The following CUX2 variants were observed in gnomAD, a reference collection of about 807,000 sequenced individuals.
CUX2 encodes the protein homeobox protein cut-like 2.
CUX2 carries 40 observed loss-of-function variants against 144.8 expected under a neutral mutation model. The ratio of observed to expected loss-of-function variants is 0.28; its 90% confidence interval spans 0.21 to 0.36. The LOEUF is 0.36. CUX2 is among the 10% of genes least tolerant of loss of function. The pLI is 1.00. For missense variants in CUX2, 1,615 were observed against 1,994.0 expected (o/e 0.81, Z 3.62); for synonymous variants, 827 against 875.6 (o/e 0.94, Z 0.98).
At chr12:111,071,327 T>TAG in intron 1 of CUX2, among the ~76,000 whole-genome samples, 1 of 152,330 alleles carries the variant, frequency 6.6e-6, no homozygotes, top group South Asian at 2.1e-4. Flanking sequence ...GATAGGTGTG[T>TAG]AGAGGTATCT....
At chr12:111,260,471 A>C (rs1403570653) in intron 3 of CUX2, among the ~76,000 whole-genome samples, 1 of 152,172 alleles carries the variant, frequency 6.6e-6, no homozygotes, top group Non-Finnish European at 1.5e-5. Flanking sequence ...CTCAGGAAAA[A>C]AAAAAAAGTA....
rs1871102686 is a variant in CUX2, at chr12:111,068,252, C to T, written c.63+34012C>T. Among the ~76,000 whole-genome samples, 1 of 152,168 alleles carries T rather than the reference C, an allele frequency of 6.6e-6. No homozygotes were observed. On this transcript the variant is annotated intron_variant, in intron 1 of 21. Coordinates refer to ENST00000261726, the MANE Select transcript of CUX2 (RefSeq NM_015267.4). The surrounding 1 kb of genome is among the most constrained non-coding windows in gnomAD (Gnocchi z 4.9). ...CTTTTTCTAATTTTGCCGGAGTTGCCCTCCCCACTTTCCCTCTTCCTTTTC... is the reference window on the plus strand; with the variant it reads ...CTTTTTCTAATTTTGCCGGAGTTGCTCTCCCCACTTTCCCTCTTCCTTTTC...
chr12:111,328,443 A>G (rs1043149450), intron 18 of CUX2, among the ~76,000 whole-genome samples: 6 of 152,176 alleles, frequency 3.9e-5, no homozygotes, highest in Non-Finnish European at 7.3e-5. Context: ...CCGTGGCAGC[A>G]TCAGTATTCC....
rs147389725 is a variant in CUX2 at position 111,322,321 on chromosome 12, C to CAAAA, written c.2767-80_2767-77dup. 9.1e-4 allele frequency: 696 copies of CAAAA among 761,244 alleles called. No homozygotes were observed. The highest frequency in any genetic ancestry group is 1.3e-3 in the South Asian group (56 of 44,526). 47.2% of individuals were successfully genotyped at this position (761,244 alleles called of 1,614,324 possible). On this transcript the variant is annotated intron_variant, in intron 17 of 21. Coordinates refer to ENST00000261726, the MANE Select transcript of CUX2 (RefSeq NM_015267.4). The surrounding 1 kb of genome is among the most constrained non-coding windows in gnomAD (Gnocchi z 4.2). ...CGACAGACAAAGCGAGACTCTGCCT[C>CAAAA]AAAAAAAAAAAAAAAAAAAAAAAGG...
chr12:111,345,175 C>A (rs756374626), intron 21 of CUX2, among the ~76,000 whole-genome samples: 1 of 151,992 alleles, frequency 6.6e-6, no homozygotes, highest in Non-Finnish European at 1.5e-5. Context: ...AAAGGCCGGG[C>A]GCAGTGACTC....
chr12:111,034,319 C>A lies in CUX2; in HGVS notation c.63+79C>A. The A allele has an allele frequency of 1.1e-6, 1 of 908,808 alleles. No individual in the cohort carries two copies. Among genetic ancestry groups the A allele is most frequent in the Non-Finnish European group, 1.4e-6 (1 of 734,940 alleles). 56.3% of individuals were successfully genotyped at this position (908,808 alleles called of 1,614,324 possible). On this transcript the variant is annotated intron_variant, in intron 1 of 21. Transcript: ENST00000261726. This position sits in a 1 kb window ranked among gnomAD's most constrained non-coding sequence, Gnocchi z 4.2. ...TGGGCGCATTGGGGAGGTCCCCGGG[C>A]GGGCAGGCGGACGCCCTGGGGCGGC...
Position 111,171,416 on chromosome 12 carries a change from C to T in CUX2, c.64-42784C>T, listed in dbSNP as rs74715512. On this transcript the variant is annotated intron_variant, in intron 1 of 21. Transcript: ENST00000261726. The surrounding 1 kb of genome is among the most constrained non-coding windows in gnomAD (Gnocchi z 5.0). ...TTCTGAGACCGGCCAGAAGGACAGA[C>T]GAGAGGGGTTTCTTATGCACCAGTG... Among the ~76,000 whole-genome samples, 3,137 of 152,276 alleles carry T rather than the reference C, an allele frequency of 0.021. 104 individuals are homozygous for T. The highest frequency in any genetic ancestry group is 0.07 in the African/African-American group (2,890 of 41,532).
chr12:111,227,523 T>A (rs1321378728), intron 3 of CUX2, among the ~76,000 whole-genome samples: 1 of 152,172 alleles, frequency 6.6e-6, no homozygotes, highest in Non-Finnish European at 1.5e-5. Context: ...CTGGACACTC[T>A]CTCTGTTCTC....
At chr12:111,260,988 A>G (rs1221646806) in intron 3 of CUX2, among the ~76,000 whole-genome samples, 1 of 152,208 alleles carries the variant, frequency 6.6e-6, no homozygotes, top group Non-Finnish European at 1.5e-5. Flanking sequence ...TTGGGTGCCA[A>G]GTCACCAGCA....
chr12:111,057,437 C>G lies in CUX2; in HGVS notation c.63+23197C>G, dbSNP rs1352184789. On this transcript the variant is annotated intron_variant, in intron 1 of 21. Transcript: ENST00000261726. This position sits in a 1 kb window ranked among gnomAD's most constrained non-coding sequence, Gnocchi z 5.1. ...CTTTGTCTGCCATGATGGAAGTGGG[C>G]CTGCCAGTGACAGGGCCCTAGATGC... 6.6e-6 allele frequency among the ~76,000 whole-genome samples: 1 copy of G among 152,048 alleles called. No individual in the cohort carries two copies. The highest frequency in any genetic ancestry group is 1.5e-5 in the Non-Finnish European group (1 of 67,992).
intron 1 of CUX2, among the ~76,000 whole-genome samples, chr12:111,117,518 A>G (rs908657461): frequency 3.3e-5 from 5 of 152,202 alleles, no homozygotes; most frequent in African/African-American, 9.7e-5. Context: ...AATAAACACA[A>G]TCTTACCTTG....
intron 9 of CUX2, among the ~76,000 whole-genome samples, chr12:111,300,515 T>C (rs375242581): frequency 3.3e-5 from 5 of 152,198 alleles, no homozygotes; most frequent in Admixed American, 6.5e-5. Flanking sequence ...CGTATCAGTA[T>C]AGAAAGCAGT....
chr12:111,233,599 G>A (rs982668205), intron 3 of CUX2, among the ~76,000 whole-genome samples: 1 of 152,140 alleles, frequency 6.6e-6, no homozygotes, highest in African/African-American at 2.4e-5. Flanking sequence ...GGAGGGGGCG[G>A]GGGAGCAAGG....
Position 111,186,576 on chromosome 12 carries a change from ACT to A in CUX2, c.64-27621_64-27620del, listed in dbSNP as rs1879545654. 6.6e-6 allele frequency among the ~76,000 whole-genome samples: 1 copy of A among 151,834 alleles called. No individual in the cohort carries two copies. Among genetic ancestry groups the A allele is most frequent in the African/African-American group, 2.4e-5 (1 of 41,320 alleles). The stretch of plus-strand genomic sequence containing the variant: ...ATGGTTGCTGAGAGAGAGAAGGGCG[ACT>A]CTGTGGCGTGAGGCTCGCAGCTGCA... On this transcript the variant is annotated intron_variant, in intron 1 of 21. Transcript: ENST00000261726. The surrounding 1 kb of genome is among the most constrained non-coding windows in gnomAD (Gnocchi z 4.4).
intron 18 of CUX2, among the ~76,000 whole-genome samples, chr12:111,330,743 ATATAT>A (rs1888087350): frequency 9.5e-6 from 1 of 105,578 alleles, no homozygotes; most frequent in Non-Finnish European, 2.1e-5. Context: ...ATATATATAT[ATATAT>A]ATAAAGAGAG....
chr12:111,216,615 C>T lies in CUX2; in HGVS notation c.175-1275C>T, dbSNP rs1039645390. ...ATCGGTGGGGGTTGCATTGTCCCAG[C>T]CTCCCTCGTAGCTGCTTCCTGCCTA... On this transcript the variant is annotated intron_variant, in intron 2 of 21. Coordinates refer to ENST00000261726, the MANE Select transcript of CUX2 (RefSeq NM_015267.4). 1.2e-4 allele frequency among the ~76,000 whole-genome samples: 18 copies of T among 152,300 alleles called. No individual in the cohort carries two copies. In the South Asian group the frequency reaches 2.3e-3, roughly 19 times the overall value.
chr12:111,333,405 A>G (rs551398808), intron 18 of CUX2, among the ~76,000 whole-genome samples: 1 of 152,262 alleles, frequency 6.6e-6, no homozygotes, highest in African/African-American at 2.4e-5. Context: ...ATTAAATAAA[A>G]TATGTAAATT....
intron 1 of CUX2, among the ~76,000 whole-genome samples, chr12:111,203,263 G>A (rs1880717490): frequency 6.7e-6 from 1 of 150,130 alleles, no homozygotes. Context: ...AATCAGTAAG[G>A]GCCAGGTGCA....
chr12:111,257,213 T>G (rs1293041524), intron 3 of CUX2, among the ~76,000 whole-genome samples: 1 of 135,972 alleles, frequency 7.4e-6, no homozygotes. Flanking sequence ...TCCTCCTCCC[T>G]CTCCTTCCTC....
Sources: gnomAD v4.1 joint callset for allele counts (sites outside exome capture counted in the v4.1 genomes callset) on GRCh38, gnomAD v4.1.1 for gene constraint, Gnocchi (gnomAD v3.1) non-coding constraint, MANE v1.5 for transcripts, NCBI Gene and HGNC (gene_info 2026-07-23, HGNC 2026-07-21) for gene names.